The following LIN52 variants were observed in gnomAD, a reference collection of about 807,000 sequenced individuals.
LIN52 encodes the protein protein lin-52 homolog.
A neutral mutation model predicts 18.5 loss-of-function variants in LIN52; 4 were observed. The ratio of observed to expected loss-of-function variants is 0.22; its 90% CI spans 0.11 to 0.49. The LOEUF (loss-of-function observed/expected upper bound fraction) is 0.49, where lower values mean the gene tolerates loss of function less well. Among genes scored for constraint, LIN52 ranks in the 20% least tolerant of loss-of-function variants. The pLI is 0.97. For synonymous variants in LIN52, 34 were observed against 45.5 expected (o/e 0.75, Z 1.02); for missense variants, 102 against 139.5 (o/e 0.73, Z 1.35).
At chr14:74,099,264 C>G (rs941954867) in intron 4 of LIN52, among the ~76,000 whole-genome samples, 1 of 151,764 alleles carries the variant, frequency 6.6e-6, no homozygotes, top group Non-Finnish European at 1.5e-5. Context: ...ATGACTGTGG[C>G]ATGATAAATG....
intron 5 of LIN52, among the ~76,000 whole-genome samples, chr14:74,184,078 G>T (rs973950928): frequency 1.3e-4 from 20 of 152,096 alleles, no homozygotes; most frequent in Non-Finnish European, 2.2e-4. Context: ...AAGAAGATGG[G>T]TTGTTTGTCT....
At chr14:74,188,447 T>TA (rs529768839) in intron 5 of LIN52, among the ~76,000 whole-genome samples, 219 of 152,262 alleles carry the variant, frequency 1.4e-3, no homozygotes, top group African/African-American at 4.8e-3. Context: ...TGTATTTTTT[T>TA]AAAAAGTTCT....
rs572814737 is a variant in LIN52 at position 74,087,615 on chromosome 14, C to T, written c.19+2622C>T. ...AAATTCAGCTTCTAAATAAGTATCT[C>T]ATTCCAAAATATTCCACGGCCTAGC... On this transcript the variant is annotated intron_variant, in intron 1 of 5. Coordinates refer to ENST00000555028, the MANE Select transcript of LIN52 (RefSeq NM_001024674.3). Among the ~76,000 whole-genome samples the T allele has an allele frequency of 3.9e-5, 6 of 152,226 alleles. No individual in the cohort carries two copies. In the South Asian group the frequency reaches 1.2e-3, roughly 32 times the overall value.
At chr14:74,105,546 A>G (rs1359153094) in intron 5 of LIN52, among the ~76,000 whole-genome samples, 2 of 151,372 alleles carry the variant, frequency 1.3e-5, no homozygotes, top group Admixed American at 1.3e-4. Flanking sequence ...TCTTTGTTTT[A>G]TTGTGTGTAG....
At chr14:74,086,781 C>A (rs1169386962) in intron 1 of LIN52, among the ~76,000 whole-genome samples, 3 of 151,896 alleles carry the variant, frequency 2.0e-5, no homozygotes, top group African/African-American at 7.3e-5. Context: ...AAAAGTCAGG[C>A]AAGGGAATAG....
intron 5 of LIN52, among the ~76,000 whole-genome samples, chr14:74,187,393 A>G (rs529327324): frequency 5.2e-4 from 79 of 151,536 alleles, no homozygotes; most frequent in Non-Finnish European, 8.7e-4. Context: ...AGAAATACAT[A>G]TTTTTTTTTC....
chr14:74,170,070 A>G (rs754974991), intron 5 of LIN52, among the ~76,000 whole-genome samples: 1 of 152,206 alleles, frequency 6.6e-6, no homozygotes, highest in Non-Finnish European at 1.5e-5. Flanking sequence ...AGTAATTAGA[A>G]TAACGTGGAC....
intron 5 of LIN52, among the ~76,000 whole-genome samples, chr14:74,111,792 T>C (rs967312693): frequency 2.0e-5 from 3 of 152,048 alleles, no homozygotes; most frequent in Non-Finnish European, 4.4e-5. Flanking sequence ...AGCATGAGTC[T>C]TTCTGTACCA....
chr14:74,158,374 A>T (rs1422803471), intron 5 of LIN52, among the ~76,000 whole-genome samples: 2 of 151,980 alleles, frequency 1.3e-5, no homozygotes, highest in Non-Finnish European at 2.9e-5. Flanking sequence ...CAGCCTCCCA[A>T]AGTGCTGGGA....
intron 5 of LIN52, among the ~76,000 whole-genome samples, chr14:74,183,350 C>T (rs986684310): frequency 6.6e-6 from 1 of 152,056 alleles, no homozygotes; most frequent in African/African-American, 2.4e-5. Flanking sequence ...CTGCCTGCCT[C>T]GGCCTCCCAA....
At chr14:74,103,148 G>A (rs1426850530) in intron 5 of LIN52, among the ~76,000 whole-genome samples, 1 of 152,088 alleles carries the variant, frequency 6.6e-6, no homozygotes, top group Non-Finnish European at 1.5e-5. Flanking sequence ...GTGCAATCTC[G>A]GCTCACGGCA....
intron 5 of LIN52, among the ~76,000 whole-genome samples, chr14:74,149,596 T>A (rs62006761): frequency 0.1 from 15,338 of 152,236 alleles, 846 homozygotes; most frequent in South Asian, 0.18. Flanking sequence ...TCCAGCAATA[T>A]TCTTGTTTTT....
At chr14:74,111,387 C>T (rs1346949695) in intron 5 of LIN52, among the ~76,000 whole-genome samples, 1 of 151,780 alleles carries the variant, frequency 6.6e-6, no homozygotes, top group African/African-American at 2.4e-5. Context: ...CTCCCAGGTT[C>T]AAGCAATCCT....
chr14:74,120,732 G>T (rs549743162), intron 5 of LIN52, among the ~76,000 whole-genome samples: 11 of 149,828 alleles, frequency 7.3e-5, no homozygotes, highest in Admixed American at 1.3e-4. Context: ...TCCAGCCTGG[G>T]CAACAGAGTG....
chr14:74,089,195 C>T (rs889980720), intron 1 of LIN52, among the ~76,000 whole-genome samples: 1 of 151,858 alleles, frequency 6.6e-6, no homozygotes, highest in African/African-American at 2.4e-5. Flanking sequence ...AAGGTAGAAA[C>T]GACTAGATTT....
At chr14:74,195,061 A>C (rs2078903105) in intron 5 of LIN52, among the ~76,000 whole-genome samples, 1 of 152,118 alleles carries the variant, frequency 6.6e-6, no homozygotes, top group South Asian at 2.1e-4. Flanking sequence ...CAGGAGAATC[A>C]CTTGAACCGG....
At chr14:74,111,281 CTG>C (rs1436924126) in intron 5 of LIN52, among the ~76,000 whole-genome samples, 2 of 152,018 alleles carry the variant, frequency 1.3e-5, no homozygotes, top group African/African-American at 4.8e-5. Context: ...GAGAGTATAA[CTG>C]TGATTCTTAC....
At chr14:74,102,165 C>T (rs1461786551) in intron 5 of LIN52, among the ~76,000 whole-genome samples, 2 of 152,080 alleles carry the variant, frequency 1.3e-5, no homozygotes, top group Non-Finnish European at 2.9e-5. Flanking sequence ...ATCACTTGAA[C>T]CTGGGAGGCA....
At chr14:74,110,320 T>C (rs1023144332) in intron 5 of LIN52, among the ~76,000 whole-genome samples, 11 of 152,082 alleles carry the variant, frequency 7.2e-5, no homozygotes, top group Non-Finnish European at 1.5e-4. Flanking sequence ...AAGCCAAGTG[T>C]TTGTAACCAG....
Sources: gnomAD v4.1 joint callset for allele counts (sites outside exome capture counted in the v4.1 genomes callset) on GRCh38, gnomAD v4.1.1 for gene constraint, MANE v1.5 for transcripts, NCBI Gene and HGNC (gene_info 2026-07-23, HGNC 2026-07-21) for gene names.